MKRN2: variants seen among roughly 807,000 people sequenced by gnomAD.
MKRN2 encodes the protein E3 ubiquitin-protein ligase makorin-2.
MKRN2 carries 32 observed loss-of-function variants against 45.4 expected under a neutral mutation model. The ratio of observed to expected loss-of-function variants is 0.70; its 90% CI spans 0.53 to 0.95. The LOEUF is 0.95. MKRN2 is among the 40% of genes least tolerant of loss of function. MKRN2 has a pLI of 0.00. For missense variants in MKRN2, 526 were observed against 536.7 expected (o/e 0.98, Z 0.20); for synonymous variants, 206 against 192.4 (o/e 1.07, Z -0.59).
At position 12,580,455 on chromosome 3, in the gene MKRN2, C is replaced by T. The variant is rs3773342; in HGVS notation, c.969-1353C>T. ...TCTCTCTCCCCCCACCCTACCCCCC[C>T]GCCACCACCCCCAGTGAGACGAAGT... On this transcript the variant is annotated intron_variant, in intron 6 of 7. Transcript: ENST00000170447. Among the ~76,000 whole-genome samples, 303 of 149,706 alleles carry T rather than the reference C, an allele frequency of 2.0e-3. 10 individuals are homozygous for T. In the East Asian group the frequency reaches 0.057, roughly 28 times the overall value.
chr3:12,580,162 G>A (rs1484683878), intron 6 of MKRN2, among the ~76,000 whole-genome samples: 2 of 152,232 alleles, frequency 1.3e-5, no homozygotes, highest in Non-Finnish European at 2.9e-5. Flanking sequence ...TGGCCTTGGT[G>A]ACCAGATAAG....
intron 3 of MKRN2, among the ~76,000 whole-genome samples, chr3:12,571,660 T>G (rs1490744366): frequency 6.6e-6 from 1 of 152,216 alleles, no homozygotes; most frequent in South Asian, 2.1e-4. Flanking sequence ...TCTAGTTCAC[T>G]TAAAATGATT....
At position 12,581,956 on chromosome 3, in the gene MKRN2, A is replaced by G; in HGVS notation, c.1113+4A>G. The G allele has an allele frequency of 6.2e-7, 1 of 1,613,890 alleles. No individual in the cohort carries two copies. Among genetic ancestry groups the G allele is most frequent in the South Asian group, 1.1e-5 (1 of 91,078 alleles). Reference sequence around the variant, plus strand: ...CAGTTCTCAAGGCACTGTGAGGGTAAGGACTTTAGCCATCTCTAGTTGGGG... The same window carrying G: ...CAGTTCTCAAGGCACTGTGAGGGTAGGGACTTTAGCCATCTCTAGTTGGGG... On this transcript the variant is annotated splice_donor_region_variant and intron_variant, in intron 7 of 7. Transcript: ENST00000170447.
rs1361068961 is a variant in MKRN2, at chr3:12,571,931, C to T, written c.338-138C>T. 33 of 749,842 alleles carry T rather than the reference C, an allele frequency of 4.4e-5. 1 individual carries two copies. The highest frequency in any genetic ancestry group is 5.7e-5 in the Non-Finnish European group (28 of 493,486). 46.4% of individuals were successfully genotyped at this position (749,842 alleles called of 1,614,324 possible). ...TACTATTCCTTTTATTTTTCCCCTT[C>T]GGTGTGTTTTTTTTGCCATATGTTC... On this transcript the variant is annotated intron_variant, in intron 3 of 7. Coordinates refer to ENST00000170447, the MANE Select transcript of MKRN2 (RefSeq NM_014160.5).
intron 1 of MKRN2, among the ~76,000 whole-genome samples, chr3:12,563,137 T>C (rs889114179): frequency 6.6e-6 from 1 of 152,204 alleles, no homozygotes; most frequent in African/African-American, 2.4e-5. Flanking sequence ...GGCACCATTG[T>C]ATAGTCACTT....
intron 3 of MKRN2, among the ~76,000 whole-genome samples, chr3:12,571,114 T>TTTG (rs1559389148): frequency 1.3e-5 from 2 of 150,394 alleles, no homozygotes; most frequent in African/African-American, 4.9e-5. Context: ...TTGTTGTGTT[T>TTTG]TTTGTTTGTT....
Position 12,581,869 on chromosome 3 carries a change from C to CT in MKRN2, c.1033dup (p.Tyr345LeufsTer14). On this transcript the variant is annotated frameshift_variant, in exon 7 of 8. Coordinates refer to ENST00000170447, the MANE Select transcript of MKRN2 (RefSeq NM_014160.5). LOFTEE classifies it high-confidence loss of function. ...GACCTGCCCATTTGGAAGCAAATGTCTTTATCGCCATGCTTACCCCGATGG... is the reference window on the plus strand; with the variant it reads ...GACCTGCCCATTTGGAAGCAAATGTCTTTTATCGCCATGCTTACCCCGATGG... The CT allele has an allele frequency of 6.2e-7, 1 of 1,614,150 alleles. No homozygotes were observed. Among genetic ancestry groups the CT allele is most frequent in the Non-Finnish European group, 8.5e-7 (1 of 1,180,028 alleles).
intron 1 of MKRN2, among the ~76,000 whole-genome samples, chr3:12,560,478 T>TAAA (rs10651248): frequency 0.15 from 19,132 of 124,660 alleles, 1,706 homozygotes; most frequent in Non-Finnish European, 0.22. Flanking sequence ...TAGGAAAATG[T>TAAA]AAAAAAAAAA....
At chr3:12,565,181 T>C (rs1371177832) in intron 1 of MKRN2, among the ~76,000 whole-genome samples, 2 of 152,238 alleles carry the variant, frequency 1.3e-5, no homozygotes, top group African/African-American at 4.8e-5. Flanking sequence ...TATGTTTACA[T>C]TTTTTAAGAA....
At chr3:12,568,060 C>G (rs1453038640) in intron 1 of MKRN2, among the ~76,000 whole-genome samples, 1 of 152,226 alleles carries the variant, frequency 6.6e-6, no homozygotes, top group African/African-American at 2.4e-5. Context: ...TTCTCACTTT[C>G]AGTACGGTGT....
In MKRN2 at chr3:12,581,883, T is replaced by C. The variant is rs765587797; in HGVS notation, c.1044T>C (p.Ala348=). ...PFGSKCLYRH[A]YPDGRLAEPE... is the part of the protein sequence containing the mutation. ...GAAGCAAATGTCTTTATCGCCATGC[T>C]TACCCCGATGGGCGGCTAGCAGAGC... Residue 348 remains alanine (A), a synonymous_variant, in exon 7 of 8, where the codon GCT becomes GCC. Transcript: ENST00000170447. 1.2e-6 allele frequency: 2 copies of C among 1,614,184 alleles called. No homozygotes were observed. Among genetic ancestry groups the C allele is most frequent in the Non-Finnish European group, 1.7e-6 (2 of 1,180,030 alleles).
Position 12,572,151 on chromosome 3 carries a change from C to A in MKRN2, c.420C>A (p.Pro140=), listed in dbSNP as rs535538034. Residue 140 remains proline (P), a synonymous_variant, in exon 4 of 8, where the codon CCC becomes CCA. Coordinates refer to ENST00000170447, the MANE Select transcript of MKRN2 (RefSeq NM_014160.5). The part of the protein sequence containing the change: ...PGSCSDPQPS[P]EMKPHSYLDA... ...GCTGCAGCGACCCCCAGCCCAGCCCCGAGATGAAGCCGCATTCCTACCTGG... is the reference window on the plus strand; with the variant it reads ...GCTGCAGCGACCCCCAGCCCAGCCCAGAGATGAAGCCGCATTCCTACCTGG... 1 of 1,614,146 alleles carries A rather than the reference C, an allele frequency of 6.2e-7. No individual in the cohort carries two copies. Among genetic ancestry groups the A allele is most frequent in the East Asian group, 2.2e-5 (1 of 44,866 alleles).
intron 4 of MKRN2, among the ~76,000 whole-genome samples, chr3:12,574,479 A>C (rs993811596): frequency 4.6e-5 from 7 of 152,228 alleles, no homozygotes; most frequent in African/African-American, 1.7e-4. Context: ...CTAGGGCCGC[A>C]GTCCTTACGG....
At chr3:12,574,474 G>T (rs2058118787) in intron 4 of MKRN2, among the ~76,000 whole-genome samples, 1 of 152,240 alleles carries the variant, frequency 6.6e-6, no homozygotes, top group Non-Finnish European at 1.5e-5. Context: ...GGGGACTAGG[G>T]CCGCAGTCCT....
chr3:12,567,857 T>C (rs565135264), intron 1 of MKRN2, among the ~76,000 whole-genome samples: 127 of 152,308 alleles, frequency 8.3e-4, no homozygotes, highest in African/African-American at 2.9e-3. Context: ...CACTCAGGTC[T>C]CTCTACCCTG....
intron 3 of MKRN2, 24 bp downstream of exon 3, chr3:12,570,276 T>TG (rs2058090708): frequency 6.2e-7 from 1 of 1,600,822 alleles, no homozygotes. Context: ...AGCCTTTTGT[T>TG]GCGTCTTTTT....
At chr3:12,573,231 G>T (rs892115061) in intron 4 of MKRN2, among the ~76,000 whole-genome samples, 2 of 152,124 alleles carry the variant, frequency 1.3e-5, no homozygotes, top group Non-Finnish European at 2.9e-5. Context: ...AGCTGGATAA[G>T]AGGCGGGGGA....
chr3:12,572,676 C>G (rs984116551), intron 4 of MKRN2, among the ~76,000 whole-genome samples: 1 of 152,008 alleles, frequency 6.6e-6, no homozygotes, highest in Non-Finnish European at 1.5e-5. Context: ...CTCTGCTTCC[C>G]TGGCTCAGGT....
intron 1 of MKRN2, 149 bp from the exon 2 acceptor site, chr3:12,568,726 G>A (rs967425734): frequency 2.9e-6 from 3 of 1,037,294 alleles, no homozygotes; most frequent in Non-Finnish European, 2.7e-6. Flanking sequence ...TAGAATCAAG[G>A]AAATATATAG....
Sources: allele counts gnomAD v4.1 joint callset (sites outside exome capture counted in the v4.1 genomes callset), GRCh38; gene constraint gnomAD v4.1.1; transcripts MANE v1.5; gene names NCBI Gene and HGNC (gene_info 2026-07-23, HGNC 2026-07-21).